USP25: variants seen among roughly 807,000 people sequenced by gnomAD.
USP25 encodes ubiquitin carboxyl-terminal hydrolase 25.
USP25 carries 85 observed loss-of-function variants against 158.5 expected under a neutral mutation model. The observed-to-expected ratio is 0.54, with a 90% confidence interval of 0.45 to 0.64. The LOEUF is 0.64. Among genes scored for constraint, USP25 ranks in the 30% least tolerant of loss-of-function variants. USP25 has a pLI of 0.00. For synonymous variants in USP25, 464 were observed against 460.4 expected, an observed-to-expected ratio of 1.01 and a Z score of -0.10; for missense variants, 1,242 against 1,327.3, an observed-to-expected ratio of 0.94 and a Z score of 1.00.
chr21:15,800,281 G>C (rs1300036276), intron 6 of USP25, among the ~76,000 whole-genome samples: 1 of 151,234 alleles, frequency 6.6e-6, no homozygotes, highest in Non-Finnish European at 1.5e-5. Flanking sequence ...GGAAGTGACT[G>C]TCATAGATGG....
intron 1 of USP25, among the ~76,000 whole-genome samples, chr21:15,755,137 T>C (rs895871967): frequency 2.6e-5 from 4 of 152,160 alleles, no homozygotes; most frequent in African/African-American, 9.6e-5. Flanking sequence ...AAGAATGTCT[T>C]TGGAGTTTCT....
At chr21:15,735,188 A>G (rs1380053374) in intron 1 of USP25, among the ~76,000 whole-genome samples, 1 of 152,168 alleles carries the variant, frequency 6.6e-6, no homozygotes, top group Non-Finnish European at 1.5e-5. Context: ...ATGTTTCTAT[A>G]TTTAATATAA....
chr21:15,859,593 G>C (rs553136451), intron 20 of USP25, among the ~76,000 whole-genome samples: 5 of 151,974 alleles, frequency 3.3e-5, no homozygotes, highest in African/African-American at 7.3e-5. Context: ...AAAACATCGT[G>C]GGCTTGATAT....
chr21:15,864,572 CA>C, intron 21 of USP25, 126 bp downstream of exon 21: 1 of 903,172 alleles, frequency 1.1e-6, no homozygotes, highest in Non-Finnish European at 1.6e-6. Context: ...AAATACGTAA[CA>C]AAATTTGAAC....
chr21:15,811,131 C>T lies in USP25; in HGVS notation c.858-6C>T. 6.2e-7 allele frequency: 1 copy of T among 1,606,908 alleles called. No individual in the cohort carries two copies. Among genetic ancestry groups the T allele is most frequent in the Middle Eastern group, 1.7e-4 (1 of 6,008 alleles). On this transcript the variant is annotated splice_polypyrimidine_tract_variant and splice_region_variant and intron_variant, in intron 8 of 25. Transcript: ENST00000400183. The stretch of plus-strand genomic sequence containing the variant: ...AATCACATTTATATTTTTTAACATA[C>T]TTTAGGGATGAAGAGAAGCCAAAGA...
At chr21:15,772,713 A>G (rs150787120) in intron 3 of USP25, among the ~76,000 whole-genome samples, 361 of 152,342 alleles carry the variant, frequency 2.4e-3, no homozygotes, top group African/African-American at 8.2e-3. Flanking sequence ...TACACAAATC[A>G]TTATTCCACT....
chr21:15,749,723 A>C (rs2032839096), intron 1 of USP25, among the ~76,000 whole-genome samples: 1 of 152,240 alleles, frequency 6.6e-6, no homozygotes, highest in African/African-American at 2.4e-5. Flanking sequence ...TAGGAAGACT[A>C]GGAAAGATCT....
rs2038801370 is a variant in USP25, at chr21:15,849,826, C to G, written c.2501C>G (p.Ser834Cys). ...MQGIIMAIGK[S>C]RSVYDRCGPE... ...GGTATTATCATGGCGATAGGTAAATCCAGGAGTGTATATGACAGGTGTGGC... is the reference window on the plus strand; with the variant it reads ...GGTATTATCATGGCGATAGGTAAATGCAGGAGTGTATATGACAGGTGTGGC... The change falls in exon 20 of 26, where the codon TCC becomes TGC. Residue 834 changes from serine to cysteine, a missense_variant. Physicochemically the swap from Ser to Cys is moderately radical, Grantham distance 112 (BLOSUM62 -1). Transcript: ENST00000400183. 1.3e-6 allele frequency: 2 copies of G among 1,544,240 alleles called. No individual in the cohort carries two copies. The highest frequency in any genetic ancestry group is 1.4e-5 in the African/African-American group (1 of 72,710).
chr21:15,791,773 T>A, intron 5 of USP25, 109 bp downstream of exon 5: 1 of 1,167,768 alleles, frequency 8.6e-7, no homozygotes, highest in African/African-American at 1.6e-5. Flanking sequence ...GATAAGTTTT[T>A]AATATACTAT....
intron 1 of USP25, among the ~76,000 whole-genome samples, chr21:15,739,894 A>G (rs2031877075): frequency 6.6e-6 from 1 of 152,200 alleles, no homozygotes; most frequent in Non-Finnish European, 1.5e-5. Flanking sequence ...ATTTCCAAGG[A>G]CATCATCCTT....
chr21:15,783,574 C>T (rs954731191), intron 4 of USP25, among the ~76,000 whole-genome samples: 1 of 151,994 alleles, frequency 6.6e-6, no homozygotes, highest in Non-Finnish European at 1.5e-5. Context: ...AGTGGGATGA[C>T]ATATTCACAG....
In USP25 at chr21:15,833,469, A is replaced by T. The variant is rs760934509; in HGVS notation, c.2115A>T (p.Ala705=). ...AAAAAGAACTAGAAGAATGGGATGC[A>T]CAACTTGCCCAGAAAGCTTTGCAGG... ...RFEKELEEWD[A]QLAQKALQEK... The change falls in exon 17 of 26, where the codon GCA becomes GCT. Residue 705 remains alanine (A), a synonymous_variant. Coordinates refer to ENST00000400183, the MANE Select transcript of USP25 (RefSeq NM_001283041.3). 3.7e-6 allele frequency: 6 copies of T among 1,614,152 alleles called. No individual in the cohort carries two copies. The South Asian group carries it at 6.6e-5, about 18-fold the overall frequency.
intron 14 of USP25, 147 bp downstream of exon 14, chr21:15,827,350 T>A: frequency 1.4e-6 from 1 of 721,438 alleles, no homozygotes; most frequent in Non-Finnish European, 2.2e-6. Flanking sequence ...TAAACTAGTT[T>A]GGCTCCCCAT....
intron 4 of USP25, among the ~76,000 whole-genome samples, chr21:15,780,604 G>T (rs2034910051): frequency 6.6e-6 from 1 of 152,148 alleles, no homozygotes; most frequent in African/African-American, 2.4e-5. Flanking sequence ...AGAAGTAGTA[G>T]ACTACAGATT....
intron 20 of USP25, among the ~76,000 whole-genome samples, chr21:15,860,545 T>G (rs145348795): frequency 1.3e-5 from 2 of 152,146 alleles, no homozygotes; most frequent in Non-Finnish European, 2.9e-5. Flanking sequence ...TCAAGAATAA[T>G]TTAGAGCCAT....
At chr21:15,795,006 T>G (rs1489252510) in intron 5 of USP25, among the ~76,000 whole-genome samples, 1 of 151,680 alleles carries the variant, frequency 6.6e-6, no homozygotes, top group East Asian at 1.9e-4. Flanking sequence ...TGCTCTTCTC[T>G]CTTTAATTTT....
chr21:15,731,682 ATAT>A (rs2030922633), intron 1 of USP25, among the ~76,000 whole-genome samples: 1 of 152,204 alleles, frequency 6.6e-6, no homozygotes, highest in South Asian at 2.1e-4. Context: ...ATGTTAGTTG[ATAT>A]TATTGGTAAA....
intron 1 of USP25, among the ~76,000 whole-genome samples, chr21:15,758,738 G>A (rs1200555835): frequency 6.6e-6 from 1 of 152,168 alleles, no homozygotes; most frequent in Non-Finnish European, 1.5e-5. Context: ...GAAAGGAGAA[G>A]CAACGGTGCA....
At chr21:15,786,388 A>T (rs963343015) in intron 4 of USP25, among the ~76,000 whole-genome samples, 1 of 152,134 alleles carries the variant, frequency 6.6e-6, no homozygotes, top group South Asian at 2.1e-4. Flanking sequence ...TCTCAACAAG[A>T]TTCTAGCACG....
Sources: gnomAD v4.1 joint callset for allele counts (sites outside exome capture counted in the v4.1 genomes callset) on GRCh38, gnomAD v4.1.1 for gene constraint, MANE v1.5 for transcripts, NCBI Gene and HGNC (gene_info 2026-07-23, HGNC 2026-07-21) for gene names.